The following SLC18A1 variants were observed in gnomAD, a reference collection of about 807,000 sequenced individuals.
SLC18A1 encodes the protein chromaffin granule amine transporter.
In SLC18A1, 69 loss-of-function variants were observed where a neutral mutation model predicts 53.7. The observed-to-expected ratio is 1.28, with a 90% CI of 1.06 to 1.57. The LOEUF is 1.57. SLC18A1 is among the 40% of genes most tolerant of loss of function. The probability of loss-of-function intolerance (pLI) is 0.00; values close to 1 mark genes in which losing one functional copy is unlikely to be tolerated. For missense variants in SLC18A1, 932 were observed against 668.1 expected (o/e 1.40, Z -4.35); for synonymous variants, 320 against 248.1 (o/e 1.29, Z -2.72).
rs138567209 is a variant in SLC18A1 at position 20,160,033 on chromosome 8, C to T, written c.1015+4836G>A. Among the ~76,000 whole-genome samples the T allele has an allele frequency of 1.6e-3, 249 of 152,012 alleles. 2 individuals are homozygous for T. The highest frequency in any genetic ancestry group is 5.6e-3 in the African/African-American group (233 of 41,454). ...CCTAGAAAAAAACAGTGCAGGCTAA[C>T]AAAAAATACCATGGCAATTACAATT... is the stretch of plus-strand genomic sequence containing the variant. On this transcript the variant is annotated intron_variant, in intron 10 of 15. Transcript: ENST00000276373.
intron 15 of SLC18A1, 26 bp downstream of exon 15, chr8:20,147,232 C>T (rs778289328): frequency 6.4e-7 from 1 of 1,570,982 alleles, no homozygotes; most frequent in South Asian, 1.2e-5. Flanking sequence ...AAGTGAATTT[C>T]TCTTTTAACA....
intron 6 of SLC18A1, 51 bp from the exon 7 acceptor site, chr8:20,171,545 C>G (rs2072117473): frequency 7.1e-7 from 1 of 1,408,578 alleles, no homozygotes; most frequent in Non-Finnish European, 1.0e-6. Flanking sequence ...GAGTCCTTTG[C>G]AGTGAGAATT....
At chr8:20,154,192 G>T (rs1004577809) in intron 10 of SLC18A1, among the ~76,000 whole-genome samples, 1 of 152,160 alleles carries the variant, frequency 6.6e-6, no homozygotes, top group Non-Finnish European at 1.5e-5. Flanking sequence ...TTATAGCCAT[G>T]CAAAATGAAC....
chr8:20,146,698 C>G (rs571788042), intron 15 of SLC18A1, among the ~76,000 whole-genome samples: 1 of 152,200 alleles, frequency 6.6e-6, no homozygotes, highest in South Asian at 2.1e-4. Context: ...GTGGTACATG[C>G]CTGTAATCCC....
chr8:20,171,386 G>A lies in SLC18A1; in HGVS notation c.814+19C>T, dbSNP rs773111682. 6.7e-5 allele frequency: 108 copies of A among 1,602,026 alleles called. No individual in the cohort carries two copies. Among genetic ancestry groups the A allele is most frequent in the Admixed American group, 3.3e-5 (2 of 59,988 alleles). On this transcript the variant is annotated intron_variant, in intron 7 of 15. Transcript: ENST00000276373. ...CTGACCTGGGCTGTCACCTGCTGGA[G>A]GCTCTGATGGTGACTTACCTCCATC...
At chr8:20,147,179 G>A in intron 15 of SLC18A1, 79 bp downstream of exon 15, 1 of 1,480,018 alleles carries the variant, frequency 6.8e-7, no homozygotes. Flanking sequence ...GGAAATAACA[G>A]CCCAGGATGA....
At chr8:20,171,234 T>C (rs942530508) in intron 7 of SLC18A1, 88 bp from the exon 8 acceptor site, 3 of 1,447,258 alleles carry the variant, frequency 2.1e-6, no homozygotes, top group East Asian at 2.3e-5. Flanking sequence ...CACCCTATTA[T>C]GCATAAATTT....
In SLC18A1 at chr8:20,179,504, G is replaced by T. The variant is rs753083994; in HGVS notation, c.125-20C>A. 5.6e-6 allele frequency: 9 copies of T among 1,593,680 alleles called. No homozygotes were observed. The highest frequency in any genetic ancestry group is 6.8e-6 in the Non-Finnish European group (8 of 1,168,850). On this transcript the variant is annotated intron_variant, in intron 2 of 15. Coordinates refer to ENST00000276373, the MANE Select transcript of SLC18A1 (RefSeq NM_003053.4). ...TTGGCACTGAAAGTCAAAGAGGACAGGTGATGGGGGCTAAGGACCGATGTC... is the reference window on the plus strand; with the variant it reads ...TTGGCACTGAAAGTCAAAGAGGACATGTGATGGGGGCTAAGGACCGATGTC...
rs1354016954 is a variant in SLC18A1, at chr8:20,145,664, T to C, written c.*99A>G. ...GAAAGAAGATTCCCAGGCAGAGGTA[T>C]GTGAAGCCCACTGAGCCGTGGGCTC... On this transcript the variant is annotated 3_prime_UTR_variant, in exon 16 of 16. Transcript: ENST00000276373. The C allele has an allele frequency of 6.2e-6, 4 of 642,468 alleles. No individual in the cohort carries two copies. The highest frequency in any genetic ancestry group is 8.2e-6 in the Non-Finnish European group (3 of 367,292). The allele number at this position is 642,468 out of a possible 1,614,324, so 39.8% of individuals were successfully genotyped here. A position where few individuals can be genotyped will look rare whatever the true frequency, so the allele number is the denominator to read the frequency against.
intron 10 of SLC18A1, among the ~76,000 whole-genome samples, chr8:20,157,200 T>C (rs1013731154): frequency 3.3e-5 from 5 of 152,184 alleles, no homozygotes; most frequent in Admixed American, 2.0e-4. Flanking sequence ...TTTTTTCAGA[T>C]GGGAAACGTT....
In SLC18A1 at chr8:20,180,926, C is replaced by A; in HGVS notation, c.39G>T (p.Leu13=). 4 of 1,605,326 alleles carry A rather than the reference C, an allele frequency of 2.5e-6. No individual in the cohort carries two copies. In the Middle Eastern group the frequency reaches 5.0e-4, roughly 199 times the overall value. ...GCTGCCGGGACGCTCTCCCCTCCTT[C>A]AGCAACCGCTGGGGAGCATCCAGAA... The part of the protein sequence containing the change: ...RTILDAPQRL[L]KEGRASRQLV... Residue 13 remains leucine, a synonymous_variant, in exon 2 of 16, where the codon CTG becomes CTT. Coordinates refer to ENST00000276373, the MANE Select transcript of SLC18A1 (RefSeq NM_003053.4).
chr8:20,166,560 G>T (rs949355550), intron 8 of SLC18A1, among the ~76,000 whole-genome samples: 4 of 151,506 alleles, frequency 2.6e-5, no homozygotes, highest in African/African-American at 9.7e-5. Flanking sequence ...GGTTACCTAT[G>T]AGTGGTAGGG....
intron 10 of SLC18A1, among the ~76,000 whole-genome samples, chr8:20,163,753 A>G (rs950850934): frequency 2.0e-5 from 3 of 152,200 alleles, no homozygotes; most frequent in Non-Finnish European, 4.4e-5. Flanking sequence ...TAGTTGTTGG[A>G]CAACCTTTGA....
chr8:20,181,754 T>A (rs779920395), intron 1 of SLC18A1: 1 of 152,126 alleles, frequency 6.6e-6, no homozygotes, highest in Non-Finnish European at 1.5e-5. Context: ...CCAACCTTCA[T>A]CTCATAGACA....
Position 20,176,554 on chromosome 8 carries a change from C to G in SLC18A1, c.547+1881G>C, listed in dbSNP as rs116161391. ...GCAATTATTTTTTTCACTTTGGACCCTTTACATGGGCCACCATTTCACTCT... is the reference window on the plus strand; with the variant it reads ...GCAATTATTTTTTTCACTTTGGACCGTTTACATGGGCCACCATTTCACTCT... On this transcript the variant is annotated intron_variant, in intron 4 of 15. Coordinates refer to ENST00000276373, the MANE Select transcript of SLC18A1 (RefSeq NM_003053.4). Among the ~76,000 whole-genome samples, 310 of 152,250 alleles carry G rather than the reference C, an allele frequency of 2.0e-3. 1 individual carries two copies. The highest frequency in any genetic ancestry group is 7.3e-3 in the African/African-American group (303 of 41,548).
At chr8:20,176,246 G>C (rs556842178) in intron 4 of SLC18A1, among the ~76,000 whole-genome samples, 8 of 152,184 alleles carry the variant, frequency 5.3e-5, no homozygotes, top group Middle Eastern at 3.4e-3. Flanking sequence ...GTTAAAAAAA[G>C]GCTGGCACCT....
At chr8:20,151,411 G>A (rs1370040617) in intron 10 of SLC18A1, among the ~76,000 whole-genome samples, 3 of 152,058 alleles carry the variant, frequency 2.0e-5, no homozygotes, top group African/African-American at 7.2e-5. Context: ...CTTCAGAGGT[G>A]GTGTGGTTGG....
At chr8:20,152,088 A>G (rs2071571718) in intron 10 of SLC18A1, among the ~76,000 whole-genome samples, 1 of 152,240 alleles carries the variant, frequency 6.6e-6, no homozygotes, top group Admixed American at 6.5e-5. Flanking sequence ...AGTGACATTC[A>G]AACTGAGACC....
intron 4 of SLC18A1, among the ~76,000 whole-genome samples, chr8:20,177,171 T>C (rs866825316): frequency 1.3e-5 from 2 of 152,240 alleles, no homozygotes; most frequent in Admixed American, 6.5e-5. Context: ...CAGTGCTAAT[T>C]TGAATTTCTT....
Sources: gnomAD v4.1 joint callset for allele counts (sites outside exome capture counted in the v4.1 genomes callset) on GRCh38, gnomAD v4.1.1 for gene constraint, MANE v1.5 for transcripts, NCBI Gene and HGNC (gene_info 2026-07-23, HGNC 2026-07-21) for gene names.